The following DNM2 variants were observed in gnomAD, a reference collection of about 807,000 sequenced individuals.
The protein encoded by DNM2 is dynamin-2.
DNM2 carries 15 observed loss-of-function variants against 99.0 expected under a neutral mutation model. The ratio of observed to expected loss-of-function variants is 0.15; its 90% CI spans 0.10 to 0.23. The LOEUF (loss-of-function observed/expected upper bound fraction) is 0.23. Ranked by LOEUF, DNM2 falls within the 10% of genes least tolerant of loss-of-function variation. The pLI, the probability that DNM2 is intolerant of heterozygous loss-of-function variation, is 1.00. For synonymous variants in DNM2, 525 were observed against 481.2 expected, an observed-to-expected ratio of 1.09 and a Z score of -1.19; for missense variants, 742 against 1,189.4, an observed-to-expected ratio of 0.62 and a Z score of 5.53.
Position 10,772,559 on chromosome 19 carries a change from G to T in DNM2, c.316G>T (p.Asp106Tyr), listed in dbSNP as rs375151459. Residue 106 changes from aspartate (D) to tyrosine (Y), a missense_variant, in exon 3 of 21, where the codon GAC becomes TAC. Transcript: ENST00000389253. The surrounding 1 kb of genome is among the most constrained non-coding windows in gnomAD (Gnocchi z 4.9). ...CCGGCAGGAGATTGAAGCAGAGACC[G>T]ACAGGGTCACGGGGACCAACAAAGG... ...EVRQEIEAET[D>Y]RVTGTNKGIS... is the part of the protein sequence containing the mutation. The T allele has an allele frequency of 1.2e-6, 2 of 1,614,140 alleles. No homozygotes were observed. Among genetic ancestry groups the T allele is most frequent in the Admixed American group, 1.7e-5 (1 of 59,994 alleles).
Position 10,772,501 on chromosome 19 carries a change from CA to C in DNM2, c.260del (p.Lys87SerfsTer44). The C allele has an allele frequency of 6.2e-7, 1 of 1,614,178 alleles. No homozygotes were observed. The highest frequency in any genetic ancestry group is 8.5e-7 in the Non-Finnish European group (1 of 1,180,042). ...KTEHAEFLHCKSKKFTDFDEV... is the reference protein window; with the variant it reads ...KTEHAEFLHCXSKKFTDFDEV... ...TAGAACATGCCGAGTTTTTGCACTG[CA>C]AGTCCAAAAAGTTTACAGACTTTGA... On this transcript the variant is annotated frameshift_variant, in exon 3 of 21. Transcript: ENST00000389253. LOFTEE classifies it high-confidence loss of function. This position sits in a 1 kb window ranked among gnomAD's most constrained non-coding sequence, Gnocchi z 4.9.
intron 7 of DNM2, 175 bp downstream of exon 7, chr19:10,786,881 A>C: frequency 7.3e-7 from 1 of 1,364,786 alleles, no homozygotes; most frequent in South Asian, 1.3e-5. Context: ...GCCCCAGTGG[A>C]GGGGACAGGT....
intron 1 of DNM2, among the ~76,000 whole-genome samples, chr19:10,729,821 A>G (rs1051216727): frequency 6.6e-6 from 1 of 151,522 alleles, no homozygotes; most frequent in Non-Finnish European, 1.5e-5. Context: ...GTACTTAGGT[A>G]CATGCTGGTA....
intron 12 of DNM2, among the ~76,000 whole-genome samples, chr19:10,803,153 G>A (rs939013213): frequency 6.6e-6 from 1 of 152,206 alleles, no homozygotes; most frequent in South Asian, 2.1e-4. Context: ...GCTGGGCGGG[G>A]CCGTGCAGGG....
Position 10,793,702 on chromosome 19 carries a change from T to C in DNM2, c.993-18T>C, listed in dbSNP as rs1262958359. 6.2e-7 allele frequency: 1 copy of C among 1,614,154 alleles called. No individual in the cohort carries two copies. The highest frequency in any genetic ancestry group is 2.2e-5 in the East Asian group (1 of 44,878). On this transcript the variant is annotated intron_variant, in intron 7 of 20. Coordinates refer to ENST00000389253, the MANE Select transcript of DNM2 (RefSeq NM_001005361.3). ...GGAAACCTCCGTTTTGATGCTTGCT[T>C]TTTCCTTTTCCTCATAGGATGGTCC... is the stretch of plus-strand genomic sequence containing the variant.
intron 1 of DNM2, among the ~76,000 whole-genome samples, chr19:10,723,092 A>G (rs1387397071): frequency 6.8e-6 from 1 of 147,168 alleles, no homozygotes; most frequent in Admixed American, 6.8e-5. Context: ...CAGCCTCCCG[A>G]GTAGCTGGGA....
chr19:10,722,621 G>C lies in DNM2; in HGVS notation c.161+4218G>C, dbSNP rs542210474. On this transcript the variant is annotated intron_variant, in intron 1 of 20. Transcript: ENST00000389253. ...GCCTCCCAAAGTGCTGGGATTACAGGCGTGAGCCACCGCGCCTGGCCTGAG... is the reference window on the plus strand; with the variant it reads ...GCCTCCCAAAGTGCTGGGATTACAGCCGTGAGCCACCGCGCCTGGCCTGAG... 1.2e-4 allele frequency among the ~76,000 whole-genome samples: 19 copies of C among 152,208 alleles called. No homozygotes were observed. In the South Asian group the frequency reaches 3.9e-3, roughly 32 times the overall value.
chr19:10,776,315 G>C (rs1196080145), intron 4 of DNM2, among the ~76,000 whole-genome samples: 1 of 152,208 alleles, frequency 6.6e-6, no homozygotes, highest in Non-Finnish European at 1.5e-5. Flanking sequence ...GAACTTTTGG[G>C]TTGTTTCTGA....
intron 2 of DNM2, among the ~76,000 whole-genome samples, chr19:10,769,854 C>T (rs1460054353): frequency 6.6e-6 from 1 of 152,156 alleles, no homozygotes; most frequent in Non-Finnish European, 1.5e-5. Context: ...TCATCGGAGC[C>T]CACTGAGTCT....
intron 1 of DNM2, among the ~76,000 whole-genome samples, chr19:10,722,545 A>G (rs968742271): frequency 1.3e-5 from 2 of 150,270 alleles, no homozygotes; most frequent in East Asian, 3.9e-4. Flanking sequence ...AGGTTTCACC[A>G]TGTTAGCCAG....
intron 1 of DNM2, among the ~76,000 whole-genome samples, chr19:10,727,671 A>G (rs535851493): frequency 6.6e-6 from 1 of 152,078 alleles, no homozygotes; most frequent in African/African-American, 2.4e-5. Flanking sequence ...CACCCGGCCT[A>G]GGTTAGATTT....
At chr19:10,798,777 T>C (rs987642567) in intron 11 of DNM2, among the ~76,000 whole-genome samples, 1 of 151,866 alleles carries the variant, frequency 6.6e-6, no homozygotes, top group African/African-American at 2.4e-5. Flanking sequence ...TCAATCAAGA[T>C]ACAGAGCGGT....
rs1207923550 is a variant in DNM2 at position 10,811,028 on chromosome 19, G to C, written c.1558-1236G>C. On this transcript the variant is annotated intron_variant, in intron 14 of 20. Coordinates refer to ENST00000389253, the MANE Select transcript of DNM2 (RefSeq NM_001005361.3). The surrounding 1 kb of genome is among the most constrained non-coding windows in gnomAD (Gnocchi z 5.4). ...GCCCGTGAATGGCCAGATGCCAGGG[G>C]TCACTGCCTGCTCCAAACAACTGTG... The C allele has an allele frequency of 6.6e-6, 1 of 152,490 alleles. No individual in the cohort carries two copies. The highest frequency in any genetic ancestry group is 1.5e-5 in the Non-Finnish European group (1 of 68,232). 9.4% of individuals were successfully genotyped at this position (152,490 alleles called of 1,614,324 possible).
In DNM2 at chr19:10,812,159, A is replaced by C; in HGVS notation, c.1558-105A>C. The C allele has an allele frequency of 1.1e-6, 1 of 935,846 alleles. No homozygotes were observed. The highest frequency in any genetic ancestry group is 1.6e-6 in the Non-Finnish European group (1 of 612,708). 58.0% of individuals were successfully genotyped at this position (935,846 alleles called of 1,614,324 possible). A position where few individuals can be genotyped will look rare whatever the true frequency, so the allele number is the denominator to read the frequency against. On this transcript the variant is annotated intron_variant, in intron 14 of 20. Transcript: ENST00000389253. The surrounding 1 kb of genome is among the most constrained non-coding windows in gnomAD (Gnocchi z 4.0). ...GGGCTTTGGGGCTGGAGGTGTCTCT[A>C]TTGCGGTCCCTGGCTTCCCACTGAG...
At position 10,772,031 on chromosome 19, in the gene DNM2, C is replaced by T. The variant is rs1302341297; in HGVS notation, c.236-448C>T. 4.0e-5 allele frequency among the ~76,000 whole-genome samples: 6 copies of T among 151,202 alleles called. No individual in the cohort carries two copies. The highest frequency in any genetic ancestry group is 3.3e-4 in the Admixed American group (5 of 15,128). On this transcript the variant is annotated intron_variant, in intron 2 of 20. Transcript: ENST00000389253. The surrounding 1 kb of genome is among the most constrained non-coding windows in gnomAD (Gnocchi z 4.9). ...TTTCACTCCCAAATTCCTAGAGTGA[C>T]GATGATTGGGTCATTATTTTCTTTT...
Position 10,786,722 on chromosome 19 carries a change from C to CCCACCA in DNM2, c.992+28_992+33dup. On this transcript the variant is annotated intron_variant, in intron 7 of 20. Coordinates refer to ENST00000389253, the MANE Select transcript of DNM2 (RefSeq NM_001005361.3). ...CCCTGCTGCAGTATGTACCCCGGCA[C>CCCACCA]CCACCACCACCACCACCCTGGCCCC... is the stretch of plus-strand genomic sequence containing the variant. The CCCACCA allele has an allele frequency of 6.2e-7, 1 of 1,613,558 alleles. No homozygotes were observed.
At chr19:10,793,494 A>G (rs2071824822) in intron 7 of DNM2, among the ~76,000 whole-genome samples, 1 of 152,206 alleles carries the variant, frequency 6.6e-6, no homozygotes, top group Non-Finnish European at 1.5e-5. Flanking sequence ...GCCTTCTCAG[A>G]TCGAATGGGT....
chr19:10,766,648 C>A (rs1051215792), intron 2 of DNM2, among the ~76,000 whole-genome samples: 26 of 151,994 alleles, frequency 1.7e-4, no homozygotes, highest in Admixed American at 1.4e-3. Context: ...CAAGTCTCTG[C>A]TCTCTCAGAG....
Position 10,796,015 on chromosome 19 carries a change from TTCTC to T in DNM2, c.1196+580_1196+583del. 6.2e-7 allele frequency: 1 copy of T among 1,611,956 alleles called. No individual in the cohort carries two copies. Among genetic ancestry groups the T allele is most frequent in the Non-Finnish European group, 8.5e-7 (1 of 1,179,986 alleles). On this transcript the variant is annotated intron_variant, in intron 9 of 20. Coordinates refer to ENST00000389253, the MANE Select transcript of DNM2 (RefSeq NM_001005361.3). This position sits in a 1 kb window ranked among gnomAD's most constrained non-coding sequence, Gnocchi z 5.6. ...AATGAAATTGCTGACCATGCTTTGTTTCTCTCTGACTTATCTCCCCTGCCCCCGG... is the reference window on the plus strand; with the variant it reads ...AATGAAATTGCTGACCATGCTTTGTTTCTGACTTATCTCCCCTGCCCCCGG...
Sources: allele counts gnomAD v4.1 joint callset (sites outside exome capture counted in the v4.1 genomes callset), GRCh38; gene constraint gnomAD v4.1.1; non-coding constraint Gnocchi (gnomAD v3.1); transcripts MANE v1.5; gene names NCBI Gene and HGNC (gene_info 2026-07-23, HGNC 2026-07-21).